Variants in TLN2 observed in about 807,000 individuals in gnomAD.
TLN2 encodes talin 2.
Under a neutral mutation model 294.7 loss-of-function variants are expected in TLN2, and 118 were observed. That is an observed-to-expected ratio of 0.40 (90% CI 0.34 to 0.47). TLN2 has a LOEUF of 0.47. Ranked by LOEUF, TLN2 falls within the 20% of genes least tolerant of loss-of-function variation. TLN2 has a pLI of 0.84. For missense variants in TLN2, 3,083 were observed against 3,282.2 expected (o/e 0.94, Z 1.48); for synonymous variants, 1,431 against 1,304.5 (o/e 1.10, Z -2.09).
intron 1 of TLN2, among the ~76,000 whole-genome samples, chr15:62,582,866 T>C (rs545819934): frequency 3.3e-5 from 5 of 152,216 alleles, no homozygotes; most frequent in Admixed American, 6.5e-5. Context: ...CAACCAGAAG[T>C]TGAGGATTGC....
chr15:62,570,792 C>T (rs1001435758), intron 1 of TLN2, among the ~76,000 whole-genome samples: 1 of 152,214 alleles, frequency 6.6e-6, no homozygotes, highest in South Asian at 2.1e-4. Context: ...CTGAATGTCT[C>T]CTGCATGGGA....
At chr15:62,825,868 T>TA (rs1555522174) in intron 54 of TLN2, among the ~76,000 whole-genome samples, 1 of 85,514 alleles carries the variant, frequency 1.2e-5, no homozygotes, top group African/African-American at 5.5e-5. Flanking sequence ...ATATATATAT[T>TA]TATATATATA....
intron 28 of TLN2, among the ~76,000 whole-genome samples, chr15:62,735,577 C>T (rs2060966761): frequency 6.6e-6 from 1 of 152,214 alleles, no homozygotes; most frequent in South Asian, 2.1e-4. Context: ...AAATCCGATG[C>T]TACCTGGTGT....
chr15:62,517,650 G>GT (rs2040249621), intron 1 of TLN2, among the ~76,000 whole-genome samples: 1 of 152,132 alleles, frequency 6.6e-6, no homozygotes, highest in Admixed American at 6.5e-5. Context: ...ATTCTAATTT[G>GT]TTTTTTAAAA....
rs923238549 is a variant in TLN2 at position 62,698,012 on chromosome 15, A to C, written c.1473+144A>C. The C allele has an allele frequency of 3.7e-6, 4 of 1,074,884 alleles. No individual in the cohort carries two copies. In the Admixed American group the frequency reaches 1.2e-4, roughly 32 times the overall value. 66.6% of individuals were successfully genotyped at this position (1,074,884 alleles called of 1,614,324 possible). On this transcript the variant is annotated intron_variant, in intron 15 of 58. Coordinates refer to ENST00000636159, the MANE Select transcript of TLN2 (RefSeq NM_015059.3). ...TGCCTCGTTCAGCTGTGCATTTTTT[A>C]AATTGGATGACTCGGATCACTGCCT... is the stretch of plus-strand genomic sequence containing the variant.
At chr15:62,840,331 A>G in intron 58 of TLN2, 151 bp from the exon 59 acceptor site, 2 of 1,147,854 alleles carry the variant, frequency 1.7e-6, no homozygotes, top group South Asian at 3.2e-5. Flanking sequence ...AAACAGTGAC[A>G]GAGGCTGGTC....
intron 1 of TLN2, among the ~76,000 whole-genome samples, chr15:62,543,753 CAA>C (rs11386820): frequency 1.5e-4 from 17 of 110,030 alleles, no homozygotes; most frequent in Non-Finnish European, 1.6e-4. Context: ...GATTCTGTCT[CAA>C]AAAAAAAAAA....
chr15:62,520,959 G>A (rs2040427996), intron 1 of TLN2, among the ~76,000 whole-genome samples: 2 of 152,238 alleles, frequency 1.3e-5, no homozygotes, highest in South Asian at 4.1e-4. Flanking sequence ...AATTAGACGT[G>A]CAAAAAGCTC....
In TLN2 at chr15:62,686,564, C is replaced by A. The variant is rs2057309664; in HGVS notation, c.958-77C>A. ...AAGACAGTGTATGCAGGTGAAAGGT[C>A]AAAAAATCACTGATTCCCTGGCAAA... On this transcript the variant is annotated intron_variant, in intron 11 of 58. Transcript: ENST00000636159. 6.0e-6 allele frequency: 9 copies of A among 1,509,206 alleles called. No individual in the cohort carries two copies. The South Asian group carries it at 7.9e-5, about 13-fold the overall frequency. 93.5% of individuals were successfully genotyped at this position (1,509,206 alleles called of 1,614,324 possible).
chr15:62,544,960 C>T (rs1019741447), intron 1 of TLN2, among the ~76,000 whole-genome samples: 69 of 151,724 alleles, frequency 4.5e-4, no homozygotes, highest in African/African-American at 1.6e-3. Flanking sequence ...GACGGAGTCT[C>T]GCTCTGTCGC....
rs761557654 is a variant in TLN2, at chr15:62,715,305, C to T, written c.2635-1026C>T. On this transcript the variant is annotated intron_variant, in intron 22 of 58. Coordinates refer to ENST00000636159, the MANE Select transcript of TLN2 (RefSeq NM_015059.3). ...TTTAGAAAATTGACTTTTGATAAATCGGTGTGCTGTTCTTCCTGCCTTGAG... is the reference window on the plus strand; with the variant it reads ...TTTAGAAAATTGACTTTTGATAAATTGGTGTGCTGTTCTTCCTGCCTTGAG... Among the ~76,000 whole-genome samples, 8 of 142,148 alleles carry T rather than the reference C, an allele frequency of 5.6e-5. No homozygotes were observed. The South Asian group carries it at 8.3e-4, about 15-fold the overall frequency. 93.3% of individuals were successfully genotyped at this position (142,148 alleles called of 152,430 possible).
At chr15:62,556,807 A>T (rs1055832527) in intron 1 of TLN2, among the ~76,000 whole-genome samples, 2 of 152,180 alleles carry the variant, frequency 1.3e-5, no homozygotes, top group African/African-American at 4.8e-5. Context: ...CTTCTTCCTG[A>T]TTTTAATGGG....
intron 11 of TLN2, among the ~76,000 whole-genome samples, chr15:62,675,668 G>C (rs1012544176): frequency 3.3e-5 from 5 of 152,170 alleles, no homozygotes; most frequent in African/African-American, 1.2e-4. Context: ...ACTAAATGAA[G>C]GCTCTTCACC....
At chr15:62,602,031 C>T (rs1317837343) in intron 2 of TLN2, among the ~76,000 whole-genome samples, 1 of 152,138 alleles carries the variant, frequency 6.6e-6, no homozygotes, top group East Asian at 1.9e-4. Context: ...CTGAGATCTG[C>T]CAGTTCGTCA....
rs774793563 is a variant in TLN2 at position 62,762,227 on chromosome 15, C to T, written c.4780-45C>T. ...CCTTTCAGGGCCCACGTCATTCACT[C>T]ATGTCTTCGACCCTGACTTTGATTT... On this transcript the variant is annotated intron_variant, in intron 38 of 58. Transcript: ENST00000636159. 3.1e-6 allele frequency: 5 copies of T among 1,607,672 alleles called. 1 individual carries two copies. In the South Asian group the frequency reaches 5.5e-5, roughly 18 times the overall value.
intron 1 of TLN2, among the ~76,000 whole-genome samples, chr15:62,436,938 A>G (rs1290422856): frequency 1.3e-5 from 2 of 152,240 alleles, no homozygotes; most frequent in Non-Finnish European, 2.9e-5. Context: ...TATTTTGCCC[A>G]GGATGGTCTC....
chr15:62,397,587 G>C (rs566274199), intron 1 of TLN2, among the ~76,000 whole-genome samples: 2 of 152,208 alleles, frequency 1.3e-5, no homozygotes, highest in South Asian at 2.1e-4. Flanking sequence ...AGTACATACT[G>C]TGTGACTCTC....
chr15:62,828,494 TG>T (rs1357008731), intron 54 of TLN2: 4 of 152,270 alleles, frequency 2.6e-5, no homozygotes, highest in Admixed American at 2.6e-4. Flanking sequence ...AGTGCTGTCT[TG>T]TTACATAAGA....
intron 1 of TLN2, among the ~76,000 whole-genome samples, chr15:62,488,812 C>G (rs939689825): frequency 2.0e-5 from 3 of 152,156 alleles, no homozygotes; most frequent in African/African-American, 7.2e-5. Context: ...CAAAAGAAGA[C>G]AGTAAGAATA....
Sources: allele counts gnomAD v4.1 joint callset (sites outside exome capture counted in the v4.1 genomes callset), GRCh38; gene constraint gnomAD v4.1.1; transcripts MANE v1.5; gene names NCBI Gene and HGNC (gene_info 2026-07-23, HGNC 2026-07-21).